The following ARL15 variants were observed in gnomAD, a reference collection of about 807,000 sequenced individuals.
ARL15 encodes ADP-ribosylation factor-like protein 15.
A neutral mutation model predicts 25.2 loss-of-function variants in ARL15; 19 were observed. The observed-to-expected ratio is 0.75, with a 90% CI of 0.53 to 1.10. The LOEUF is 1.10. Ranked by LOEUF, ARL15 falls within the 50% of genes least tolerant of loss-of-function variation. The pLI, the probability that ARL15 is intolerant of heterozygous loss-of-function variation, is 0.00. For synonymous variants in ARL15, 94 were observed against 86.8 expected, an observed-to-expected ratio of 1.08 and a Z score of -0.46; for missense variants, 220 against 246.0, an observed-to-expected ratio of 0.89 and a Z score of 0.71.
chr5:54,186,983 C>T (rs1405777745), intron 1 of ARL15, among the ~76,000 whole-genome samples: 2 of 151,848 alleles, frequency 1.3e-5, no homozygotes, highest in African/African-American at 4.8e-5. Context: ...AAGGGATGTC[C>T]TCATTTTCCT....
At chr5:54,132,785 G>T (rs953750164) in intron 3 of ARL15, among the ~76,000 whole-genome samples, 1 of 152,156 alleles carries the variant, frequency 6.6e-6, no homozygotes, top group Non-Finnish European at 1.5e-5. Context: ...GTGCTGGTGG[G>T]AGTGTAGCAG....
At chr5:54,056,759 T>C (rs959655801) in intron 4 of ARL15, among the ~76,000 whole-genome samples, 2 of 152,026 alleles carry the variant, frequency 1.3e-5, no homozygotes, top group Non-Finnish European at 2.9e-5. Flanking sequence ...TCACATACTA[T>C]GAGGCACGAC....
chr5:54,029,013 A>G (rs1198083752), intron 4 of ARL15, among the ~76,000 whole-genome samples: 5 of 151,974 alleles, frequency 3.3e-5, no homozygotes, highest in African/African-American at 1.2e-4. Flanking sequence ...TGGGCAACAG[A>G]GTAAACCTCT....
chr5:53,990,545 T>C (rs934551838), intron 4 of ARL15, among the ~76,000 whole-genome samples: 3 of 152,188 alleles, frequency 2.0e-5, no homozygotes, highest in African/African-American at 7.2e-5. Context: ...GCCAAGACAG[T>C]TTAGCTCCTA....
intron 4 of ARL15, among the ~76,000 whole-genome samples, chr5:54,029,333 TACCACCACCACCACCACCACCACC>T (rs34152775): frequency 1.1e-4 from 10 of 94,662 alleles, no homozygotes; most frequent in Admixed American, 4.6e-4. Context: ...CCACCACCAC[TACCACCACCACCACCACCACCACC>T]ACCACCACCA....
At chr5:53,896,787 G>A (rs566207523) in intron 4 of ARL15, among the ~76,000 whole-genome samples, 4 of 152,232 alleles carry the variant, frequency 2.6e-5, no homozygotes, top group African/African-American at 7.2e-5. Flanking sequence ...GTGAGCCACC[G>A]CGCCCAGCCC....
At chr5:54,134,168 T>C (rs970213908) in intron 3 of ARL15, among the ~76,000 whole-genome samples, 3 of 152,202 alleles carry the variant, frequency 2.0e-5, no homozygotes, top group Admixed American at 6.5e-5. Context: ...ACTGGGATCA[T>C]TGTGAACCAC....
chr5:54,022,727 T>G (rs1176261205), intron 4 of ARL15, among the ~76,000 whole-genome samples: 2 of 152,220 alleles, frequency 1.3e-5, no homozygotes, highest in Non-Finnish European at 2.9e-5. Flanking sequence ...AGTCTCATAT[T>G]GTGTGGGGCT....
chr5:53,899,347 CAAAAAAAAAAA>C (rs59145507), intron 4 of ARL15, among the ~76,000 whole-genome samples: 4 of 89,396 alleles, frequency 4.5e-5, no homozygotes, highest in African/African-American at 1.1e-4. Flanking sequence ...GACTCTATCC[CAAAAAAAAAAA>C]AAAAAAAAAA....
At chr5:54,285,897 A>G (rs1758167598) in intron 1 of ARL15, among the ~76,000 whole-genome samples, 1 of 152,146 alleles carries the variant, frequency 6.6e-6, no homozygotes, top group African/African-American at 2.4e-5. Context: ...TGGGAACGCT[A>G]AAGTGCCGCG....
intron 4 of ARL15, among the ~76,000 whole-genome samples, chr5:53,936,110 G>A (rs894478986): frequency 2.0e-5 from 3 of 152,122 alleles, no homozygotes; most frequent in African/African-American, 2.4e-5. Context: ...AATCATTTAT[G>A]AAAGACTTAG....
rs1476770818 is a variant in ARL15 at position 54,163,355 on chromosome 5, GCTTTTTTTTTTTTTTTTTTTTTTTTTT to G, written c.193+8402_193+8428del. ...TGTCCATGAGGGCTATTGGTATGAA[GCTTTTTTTTTTTTTTTTTTTTTTTTTT>G]TTTTTTTTTTTTGTAATGTCTCTGT... is the stretch of plus-strand genomic sequence containing the variant. On this transcript the variant is annotated intron_variant, in intron 2 of 4. Coordinates refer to ENST00000504924, the MANE Select transcript of ARL15 (RefSeq NM_019087.3). Among the ~76,000 whole-genome samples, 44 of 51,344 alleles carry G rather than the reference GCTTTTTTTTTTTTTTTTTTTTTTTTTT, an allele frequency of 8.6e-4. 4 individuals carry two copies. The Admixed American group carries it at 8.8e-3, about 10-fold the overall frequency. 33.7% of individuals were successfully genotyped at this position (51,344 alleles called of 152,430 possible). A position where few individuals can be genotyped will look rare whatever the true frequency, so the allele number is the denominator to read the frequency against.
chr5:54,090,576 G>A (rs1279391476), intron 4 of ARL15, among the ~76,000 whole-genome samples: 1 of 151,862 alleles, frequency 6.6e-6, no homozygotes, highest in Non-Finnish European at 1.5e-5. Flanking sequence ...TGGAGACATT[G>A]CCATTTGCTC....
chr5:53,926,940 C>CTT (rs376508455), intron 4 of ARL15, among the ~76,000 whole-genome samples: 5 of 143,018 alleles, frequency 3.5e-5, no homozygotes, highest in Non-Finnish European at 3.1e-5. Flanking sequence ...TCACCAAGAC[C>CTT]TTTTTTTTTA....
chr5:54,069,901 C>G (rs1751367130), intron 4 of ARL15, among the ~76,000 whole-genome samples: 1 of 151,530 alleles, frequency 6.6e-6, no homozygotes, highest in Non-Finnish European at 1.5e-5. Context: ...TCTCGAAATC[C>G]TGACCTCAAG....
At chr5:53,978,965 A>G (rs1748033960) in intron 4 of ARL15, among the ~76,000 whole-genome samples, 1 of 152,178 alleles carries the variant, frequency 6.6e-6, no homozygotes, top group Non-Finnish European at 1.5e-5. Context: ...TCAAATTTGT[A>G]AGGGTAGAAT....
intron 2 of ARL15, among the ~76,000 whole-genome samples, chr5:54,171,036 T>C (rs1754702682): frequency 6.6e-6 from 1 of 152,174 alleles, no homozygotes; most frequent in African/African-American, 2.4e-5. Context: ...TTCTTCATTG[T>C]CAGAAGAGAA....
intron 1 of ARL15, among the ~76,000 whole-genome samples, chr5:54,280,114 A>G (rs1758018816): frequency 6.6e-6 from 1 of 152,200 alleles, no homozygotes; most frequent in Non-Finnish European, 1.5e-5. Flanking sequence ...TCAGGAATAC[A>G]TGGCATTGTA....
At chr5:54,161,992 C>CAT (rs1351399038) in intron 2 of ARL15, among the ~76,000 whole-genome samples, 71 of 73,896 alleles carry the variant, frequency 9.6e-4, no homozygotes, top group South Asian at 5.3e-4. Flanking sequence ...TACTTACACA[C>CAT]ACACATACAC....
Sources: gnomAD v4.1 joint callset for allele counts (sites outside exome capture counted in the v4.1 genomes callset) on GRCh38, gnomAD v4.1.1 for gene constraint, MANE v1.5 for transcripts, NCBI Gene and HGNC (gene_info 2026-07-23, HGNC 2026-07-21) for gene names.